The following BUB3 variants were observed in gnomAD, a reference collection of about 807,000 sequenced individuals.
BUB3 encodes BUB3 mitotic checkpoint protein, also known as mitotic checkpoint protein BUB3.
In BUB3, 22 loss-of-function variants were observed where a neutral mutation model predicts 39.9. The ratio of observed to expected loss-of-function variants is 0.55; its 90% CI spans 0.39 to 0.79. The LOEUF is 0.79. Among genes scored for constraint, BUB3 ranks in the 30% least tolerant of loss-of-function variants. The pLI, the probability that BUB3 is intolerant of heterozygous loss-of-function variation, is 0.00. For synonymous variants in BUB3, 168 were observed against 155.1 expected (o/e 1.08, Z -0.62); for missense variants, 303 against 415.4 (o/e 0.73, Z 2.35).
At chr10:123,163,755 T>C in intron 7 of BUB3, 65 bp from the exon 8 acceptor site, 1 of 1,424,856 alleles carries the variant, frequency 7.0e-7, no homozygotes, top group Non-Finnish European at 9.8e-7. Context: ...CTGTCACTTT[T>C]GTATCTCCTG....
Position 123,155,025 on chromosome 10 carries a change from C to G in BUB3, c.108C>G (p.Asp36Glu). 1.2e-6 allele frequency: 2 copies of G among 1,614,204 alleles called. No individual in the cohort carries two copies. The highest frequency in any genetic ancestry group is 1.7e-6 in the Non-Finnish European group (2 of 1,180,036). Residue 36 changes from aspartate (D) to glutamate (E), a missense_variant, in exon 2 of 8, where the codon GAC (aspartate) becomes GAG (glutamate). By Grantham distance (45) the Asp-to-Glu change is conservative. This residue lies in a region of BUB3 where 121 missense variants were observed against 122.3 expected (regional missense o/e 0.99). Transcript: ENST00000368865. Reference sequence around the variant, plus strand: ...AGTTCCTGCTTGTCTCCTCCTGGGACACGTCCGTGCGTCTCTACGATGTGC... The same window carrying G: ...AGTTCCTGCTTGTCTCCTCCTGGGAGACGTCCGTGCGTCTCTACGATGTGC... ...TSQFLLVSSWDTSVRLYDVPA... is the reference protein window; with the variant it reads ...TSQFLLVSSWETSVRLYDVPA...
rs768452215 is a variant in BUB3 at position 123,155,018 on chromosome 10, C to A, written c.101C>A (p.Ser34Tyr). The A allele has an allele frequency of 3.1e-6, 5 of 1,614,084 alleles. No individual in the cohort carries two copies. The African/African-American group carries it at 6.7e-5, about 22-fold the overall frequency. Residue 34 changes from serine to tyrosine, a missense_variant, in exon 2 of 8, where the codon TCC becomes TAC. Coordinates refer to ENST00000368865, the MANE Select transcript of BUB3 (RefSeq NM_004725.4). The part of the protein sequence containing the change: ...PNTSQFLLVS[S>Y]WDTSVRLYDV... ...ACCTCCCAGTTCCTGCTTGTCTCCT[C>A]CTGGGACACGTCCGTGCGTCTCTAC... is the stretch of plus-strand genomic sequence containing the variant.
rs527614940 is a variant in BUB3, at chr10:123,166,876, G to T, written c.*3041G>T. 1 of 152,206 alleles carries T rather than the reference G, an allele frequency of 6.6e-6. No individual in the cohort carries two copies. Among genetic ancestry groups the T allele is most frequent in the African/African-American group, 2.4e-5 (1 of 41,452 alleles). The allele number at this position is 152,206 out of a possible 1,614,324, so 9.4% of individuals were successfully genotyped here. On this transcript the variant is annotated 3_prime_UTR_variant, in exon 8 of 8. Coordinates refer to ENST00000368865, the MANE Select transcript of BUB3 (RefSeq NM_004725.4). Reference sequence around the variant, plus strand: ...TTGTTCTGTGGGAGATCCAGGCCTTGTTAGAAGGACCAAGGCCAGAATGCC... The same window carrying T: ...TTGTTCTGTGGGAGATCCAGGCCTTTTTAGAAGGACCAAGGCCAGAATGCC...
At chr10:123,155,975 A>T (rs140652311) in intron 3 of BUB3, among the ~76,000 whole-genome samples, 5 of 152,320 alleles carry the variant, frequency 3.3e-5, no homozygotes, top group African/African-American at 1.2e-4. Context: ...ATTGACACTC[A>T]AGTATTTGGC....
intron 5 of BUB3, among the ~76,000 whole-genome samples, chr10:123,161,841 G>C (rs1844427736): frequency 6.6e-6 from 1 of 152,140 alleles, no homozygotes; most frequent in African/African-American, 2.4e-5. Flanking sequence ...CCCAATGAAG[G>C]AAACACAATT....
At chr10:123,158,339 T>G (rs1023707025) in intron 4 of BUB3, among the ~76,000 whole-genome samples, 3 of 152,332 alleles carry the variant, frequency 2.0e-5, no homozygotes, top group Non-Finnish European at 2.9e-5. Context: ...GTGTTTTATG[T>G]TCCCTGGCTT....
chr10:123,169,456 G>C lies in BUB3; in HGVS notation c.*5621G>C, dbSNP rs1232771932. 2.0e-5 allele frequency: 3 copies of C among 152,208 alleles called. No individual in the cohort carries two copies. The highest frequency in any genetic ancestry group is 4.4e-5 in the Non-Finnish European group (3 of 68,040). The allele number at this position is 152,208 out of a possible 1,614,324, so 9.4% of individuals were successfully genotyped here. ...ACAGATGCTGTGATACCACAACGTG[G>C]CCACATTTTGTTTTCAAGACCTTGG... On this transcript the variant is annotated 3_prime_UTR_variant, in exon 8 of 8. Coordinates refer to ENST00000368865, the MANE Select transcript of BUB3 (RefSeq NM_004725.4).
rs202158111 is a variant in BUB3 at position 123,167,863 on chromosome 10, AAGG to A, written c.*4032_*4034del. The A allele has an allele frequency of 6.5e-3, 988 of 152,354 alleles. 12 individuals carry two copies. Among genetic ancestry groups the A allele is most frequent in the African/African-American group, 0.023 (944 of 41,578 alleles). The allele number at this position is 152,354 out of a possible 1,614,324, so 9.4% of individuals were successfully genotyped here. On this transcript the variant is annotated 3_prime_UTR_variant, in exon 8 of 8. Transcript: ENST00000368865. Reference sequence around the variant, plus strand: ...GTATACATTGTGAAATGATTACCACAAGGAGGTTACTAAACATCTCCATCACCT... The same window carrying A: ...GTATACATTGTGAAATGATTACCACAAGGTTACTAAACATCTCCATCACCT...
Position 123,155,679 on chromosome 10 carries a change from G to C in BUB3, c.217G>C (p.Gly73Arg). The C allele has an allele frequency of 1.2e-6, 2 of 1,614,106 alleles. No individual in the cohort carries two copies. Among genetic ancestry groups the C allele is most frequent in the Non-Finnish European group, 1.7e-6 (2 of 1,179,970 alleles). ...ATAGGATCCAACGCATGCCTGGAGT[G>C]GAGGACTAGATCATCAATTGAAAAT... ...AFYDPTHAWSGGLDHQLKMHD... is the reference protein window; with the variant it reads ...AFYDPTHAWSRGLDHQLKMHD... Residue 73 changes from glycine (G) to arginine (R), a missense_variant, in exon 3 of 8, where the codon GGA (glycine) becomes CGA (arginine). Transcript: ENST00000368865.
chr10:123,154,801 A>C (rs1844324837), intron 1 of BUB3, 117 bp from the exon 2 acceptor site: 1 of 1,110,854 alleles, frequency 9.0e-7, no homozygotes, highest in African/African-American at 1.6e-5. Context: ...GCAAGCGCAG[A>C]GTCTCCTCGC....
intron 5 of BUB3, among the ~76,000 whole-genome samples, chr10:123,160,872 G>A (rs1316203836): frequency 6.6e-6 from 1 of 152,128 alleles, no homozygotes; most frequent in East Asian, 1.9e-4. Flanking sequence ...TAGGTATACA[G>A]TAATCAAAGA....
rs1364234534 is a variant in BUB3, at chr10:123,169,561, A to G, written c.*5726A>G. 1.3e-5 allele frequency: 2 copies of G among 152,218 alleles called. No individual in the cohort carries two copies. The highest frequency in any genetic ancestry group is 2.9e-5 in the Non-Finnish European group (2 of 68,050). The allele number at this position is 152,218 out of a possible 1,614,324, so 9.4% of individuals were successfully genotyped here. ...TGGTGACTGCTTGAAGTCTAAGATC[A>G]CCAAAGTGGCTAATGCAGGCACTGT... On this transcript the variant is annotated 3_prime_UTR_variant, in exon 8 of 8. Transcript: ENST00000368865.
chr10:123,155,875 T>C, intron 3 of BUB3, 148 bp downstream of exon 3: 1 of 679,684 alleles, frequency 1.5e-6, no homozygotes, highest in South Asian at 1.8e-5. Context: ...TTAATTTAAA[T>C]GATAACCATT....
intron 4 of BUB3, among the ~76,000 whole-genome samples, chr10:123,158,944 A>G (rs191135507): frequency 1.7e-3 from 262 of 152,330 alleles, no homozygotes; most frequent in African/African-American, 6.0e-3. Flanking sequence ...AGAAAGCACT[A>G]TTAGAAGCTT....
chr10:123,167,124 T>C lies in BUB3; in HGVS notation c.*3289T>C, dbSNP rs1844502603. The stretch of plus-strand genomic sequence containing the variant: ...AATTCATTTAAGCCGGTTCTACTTT[T>C]TCTGGTCTTGTTCCCACAATCATTT... On this transcript the variant is annotated 3_prime_UTR_variant, in exon 8 of 8. Coordinates refer to ENST00000368865, the MANE Select transcript of BUB3 (RefSeq NM_004725.4). The C allele has an allele frequency of 6.6e-6, 1 of 152,224 alleles. No individual in the cohort carries two copies. Among genetic ancestry groups the C allele is most frequent in the African/African-American group, 2.4e-5 (1 of 41,446 alleles). 9.4% of individuals were successfully genotyped at this position (152,224 alleles called of 1,614,324 possible). A position where few individuals can be genotyped will look rare whatever the true frequency, so the allele number is the denominator to read the frequency against.
rs1416485303 is a variant in BUB3, at chr10:123,166,707, G to A, written c.*2872G>A. On this transcript the variant is annotated 3_prime_UTR_variant, in exon 8 of 8. Transcript: ENST00000368865. Reference sequence around the variant, plus strand: ...CCAAGCTTCTAGATCATCAGGAAGGGGCCGCGGACTGTAAGGTGCTCTCAG... The same window carrying A: ...CCAAGCTTCTAGATCATCAGGAAGGAGCCGCGGACTGTAAGGTGCTCTCAG... 1 of 152,188 alleles carries A rather than the reference G, an allele frequency of 6.6e-6. No individual in the cohort carries two copies. The highest frequency in any genetic ancestry group is 1.5e-5 in the Non-Finnish European group (1 of 68,050). 9.4% of individuals were successfully genotyped at this position (152,188 alleles called of 1,614,324 possible).
Position 123,165,940 on chromosome 10 carries a change from A to G in BUB3, c.*2105A>G, listed in dbSNP as rs976388275. On this transcript the variant is annotated 3_prime_UTR_variant, in exon 8 of 8. Coordinates refer to ENST00000368865, the MANE Select transcript of BUB3 (RefSeq NM_004725.4). ...AAGTTTAAAACATTGTATAAGTGAA[A>G]GAATTAATATAGTATTGTTATAGGT... 3 of 152,178 alleles carry G rather than the reference A, an allele frequency of 2.0e-5. No individual in the cohort carries two copies. The highest frequency in any genetic ancestry group is 7.2e-5 in the African/African-American group (3 of 41,444). 9.4% of individuals were successfully genotyped at this position (152,178 alleles called of 1,614,324 possible).
At chr10:123,160,276 G>T in intron 4 of BUB3, 131 bp from the exon 5 acceptor site, 2 of 773,876 alleles carry the variant, frequency 2.6e-6, no homozygotes, top group Non-Finnish European at 3.9e-6. Context: ...ATCTAAAATT[G>T]TTATCTGTGA....
chr10:123,157,710 CCT>C lies in BUB3; in HGVS notation c.266-18_266-17del. On this transcript the variant is annotated splice_polypyrimidine_tract_variant and intron_variant, in intron 3 of 7. Coordinates refer to ENST00000368865, the MANE Select transcript of BUB3 (RefSeq NM_004725.4). ...TAAGCTAGATGTTGGGGTTTTTTCCCCTTTTTTTTTCTCTATAGAAAATCTTG... is the reference window on the plus strand; with the variant it reads ...TAAGCTAGATGTTGGGGTTTTTTCCCTTTTTTTTCTCTATAGAAAATCTTG... 6.5e-7 allele frequency: 1 copy of C among 1,546,236 alleles called. No homozygotes were observed. The highest frequency in any genetic ancestry group is 8.7e-7 in the Non-Finnish European group (1 of 1,143,010).
Sources: allele counts gnomAD v4.1 joint callset (sites outside exome capture counted in the v4.1 genomes callset), GRCh38; gene constraint gnomAD v4.1.1; regional missense constraint gnomAD v4.1.1; transcripts MANE v1.5; gene names NCBI Gene and HGNC (gene_info 2026-07-23, HGNC 2026-07-21).